Variants in DGKB observed in about 807,000 individuals in gnomAD.
DGKB encodes diacylglycerol kinase beta, also known as 90 kDa diacylglycerol kinase.
DGKB carries 67 observed loss-of-function variants against 114.3 expected under a neutral mutation model. The observed-to-expected ratio is 0.59, with a 90% CI of 0.48 to 0.72. DGKB has a LOEUF of 0.72. Ranked by LOEUF, DGKB falls within the 30% of genes least tolerant of loss-of-function variation. The pLI, the probability that DGKB is intolerant of heterozygous loss-of-function variation, is 0.00. For synonymous variants in DGKB, 398 were observed against 323.1 expected, an observed-to-expected ratio of 1.23 and a Z score of -2.49; for missense variants, 907 against 975.2, an observed-to-expected ratio of 0.93 and a Z score of 0.93.
intron 23 of DGKB, among the ~76,000 whole-genome samples, chr7:14,306,047 T>A (rs1804412997): frequency 6.6e-6 from 1 of 151,438 alleles, no homozygotes; most frequent in Non-Finnish European, 1.5e-5. Flanking sequence ...GTCTGAAATC[T>A]AAGTGATTTT....
At chr7:14,952,629 G>C (rs6461143) in intron 1 of DGKB, among the ~76,000 whole-genome samples, 27,125 of 151,734 alleles carry the variant, frequency 0.18, 2,720 homozygotes, top group African/African-American at 0.26. Context: ...GGTGGCGCAC[G>C]TCTCTAATGC....
At chr7:14,656,709 A>G (rs1269562009) in intron 13 of DGKB, among the ~76,000 whole-genome samples, 1 of 149,974 alleles carries the variant, frequency 6.7e-6, no homozygotes, top group East Asian at 2.0e-4. Context: ...CCCTGGGTAC[A>G]GTTATACATA....
At chr7:14,283,201 C>G (rs1800270718) in intron 23 of DGKB, among the ~76,000 whole-genome samples, 1 of 151,720 alleles carries the variant, frequency 6.6e-6, no homozygotes, top group East Asian at 1.9e-4. Context: ...AAATCACAAG[C>G]ATTCCTATAC....
At chr7:14,928,224 T>A (rs868834299) in intron 1 of DGKB, among the ~76,000 whole-genome samples, 1 of 151,970 alleles carries the variant, frequency 6.6e-6, no homozygotes, top group Admixed American at 6.6e-5. Flanking sequence ...TGCATCCTAG[T>A]GCATGAGTTT....
intron 23 of DGKB, among the ~76,000 whole-genome samples, chr7:14,304,035 T>A (rs560207100): frequency 1.5e-5 from 2 of 130,398 alleles, no homozygotes; most frequent in East Asian, 4.6e-4. Flanking sequence ...ATACACCATT[T>A]GTTCTTATAG....
At position 14,178,117 on chromosome 7, in the gene DGKB, C is replaced by G; in HGVS notation, c.2157G>C (p.Leu719Phe). Residue 719 changes from leucine (L) to phenylalanine (F), a missense_variant, in exon 24 of 26, where the codon TTG becomes TTC. By Grantham distance (22) the Leu-to-Phe change is conservative. Around this residue, in one of 3 missense-constraint regions of DGKB, gnomAD observed 35 missense variants for 66.0 expected, o/e 0.53. Transcript: ENST00000402815. The part of the protein sequence containing the change: ...LSDQLLEVVG[L>F]EGAMEMGQIY... ...TTTGCCCCATCTCCATGGCTCCTTCCAAGCCGACCACCTCCAGCAGCTGGT... is the reference window on the plus strand; with the variant it reads ...TTTGCCCCATCTCCATGGCTCCTTCGAAGCCGACCACCTCCAGCAGCTGGT... 1 of 1,613,128 alleles carries G rather than the reference C, an allele frequency of 6.2e-7. No individual in the cohort carries two copies. Among genetic ancestry groups the G allele is most frequent in the Non-Finnish European group, 8.5e-7 (1 of 1,179,704 alleles).
At position 14,557,658 on chromosome 7, in the gene DGKB, T is replaced by C. The variant is rs369638965; in HGVS notation, c.1770+16554A>G. On this transcript the variant is annotated intron_variant, in intron 20 of 25. Transcript: ENST00000402815. ...TGCCCATATGCATATTGGCTTTTGA[T>C]AGAAAATCTTCATATATTTGTTAAC... 1.8e-4 allele frequency among the ~76,000 whole-genome samples: 28 copies of C among 152,194 alleles called. No homozygotes were observed. The East Asian group carries it at 5.2e-3, about 28-fold the overall frequency.
At chr7:14,367,319 G>C (rs1283813054) in intron 21 of DGKB, among the ~76,000 whole-genome samples, 1 of 152,058 alleles carries the variant, frequency 6.6e-6, no homozygotes, top group African/African-American at 2.4e-5. Flanking sequence ...GAGGGATCCA[G>C]TGACAGGCAA....
intron 6 of DGKB, among the ~76,000 whole-genome samples, chr7:14,704,338 C>T (rs1244560984): frequency 6.7e-6 from 1 of 148,208 alleles, no homozygotes; most frequent in Non-Finnish European, 1.5e-5. Context: ...GTCCCAGCTA[C>T]GCGGGAGGCT....
intron 23 of DGKB, among the ~76,000 whole-genome samples, chr7:14,297,548 C>T (rs947844422): frequency 9.9e-5 from 15 of 152,018 alleles, no homozygotes; most frequent in Non-Finnish European, 1.5e-4. Flanking sequence ...ATTGATGAAA[C>T]GTATCTCAAA....
At chr7:14,420,956 C>G (rs1826573680) in intron 21 of DGKB, among the ~76,000 whole-genome samples, 1 of 152,086 alleles carries the variant, frequency 6.6e-6, no homozygotes, top group Non-Finnish European at 1.5e-5. Flanking sequence ...ACCCCCACCC[C>G]CTTCCACTGC....
At chr7:14,313,544 C>G (rs925008173) in intron 23 of DGKB, among the ~76,000 whole-genome samples, 2 of 152,112 alleles carry the variant, frequency 1.3e-5, no homozygotes, top group African/African-American at 2.4e-5. Flanking sequence ...AAAATCGGGT[C>G]ACTCCCACCC....
intron 20 of DGKB, among the ~76,000 whole-genome samples, chr7:14,526,256 TG>T (rs967401487): frequency 8.5e-5 from 13 of 152,256 alleles, no homozygotes; most frequent in Admixed American, 6.5e-4. Flanking sequence ...TTCGTTGTTG[TG>T]GGGGGCTATA....
At chr7:14,677,811 G>T (rs1820135520) in intron 12 of DGKB, among the ~76,000 whole-genome samples, 1 of 152,016 alleles carries the variant, frequency 6.6e-6, no homozygotes, top group African/African-American at 2.4e-5. Flanking sequence ...AAAACACAGA[G>T]ACTGGTTGCC....
intron 20 of DGKB, among the ~76,000 whole-genome samples, chr7:14,484,938 T>G (rs963514883): frequency 6.6e-6 from 1 of 151,584 alleles, no homozygotes; most frequent in Non-Finnish European, 1.5e-5. Flanking sequence ...GATATAGGAG[T>G]AGTATATAAC....
rs186222382 is a variant in DGKB at position 14,701,865 on chromosome 7, T to G, written c.467-135A>C. 35 of 618,236 alleles carry G rather than the reference T, an allele frequency of 5.7e-5. No individual in the cohort carries two copies. The African/African-American group carries it at 6.5e-4, about 12-fold the overall frequency. The allele number at this position is 618,236 out of a possible 1,614,324, so 38.3% of individuals were successfully genotyped here. On this transcript the variant is annotated intron_variant, in intron 6 of 25. Transcript: ENST00000402815. ...TCTCCTGCTCCAAACAATTAATTTG[T>G]GGGATTATTTCTCAAACTAAATTGA...
intron 3 of DGKB, among the ~76,000 whole-genome samples, chr7:14,756,623 G>C (rs1189887050): frequency 1.3e-5 from 2 of 151,754 alleles, no homozygotes; most frequent in South Asian, 4.1e-4. Context: ...GAGAAATACT[G>C]ATAGGAAATT....
At chr7:14,537,147 C>A (rs966305406) in intron 20 of DGKB, among the ~76,000 whole-genome samples, 4 of 151,870 alleles carry the variant, frequency 2.6e-5, no homozygotes, top group East Asian at 3.9e-4. Context: ...AAATTTAAAA[C>A]CCTCATAAAA....
chr7:14,966,216 A>C (rs2115289683), intron 1 of DGKB, among the ~76,000 whole-genome samples: 1 of 152,172 alleles, frequency 6.6e-6, no homozygotes. Flanking sequence ...TTGACTCTTA[A>C]ATTTGTCCCC....
Sources: gnomAD v4.1 joint callset for allele counts (sites outside exome capture counted in the v4.1 genomes callset) on GRCh38, gnomAD v4.1.1 for gene constraint, gnomAD v4.1.1 regional missense constraint, MANE v1.5 for transcripts, NCBI Gene and HGNC (gene_info 2026-07-23, HGNC 2026-07-21) for gene names.